CATSPERB: variants seen among roughly 807,000 people sequenced by gnomAD.
CATSPERB encodes the protein cation channel sperm-associated auxiliary subunit beta.
In CATSPERB, 93 loss-of-function variants were observed where a neutral mutation model predicts 128.3. The ratio of observed to expected loss-of-function variants is 0.72; its 90% confidence interval spans 0.61 to 0.86. The LOEUF is 0.86. Ranked by LOEUF, CATSPERB falls within the 40% of genes least tolerant of loss-of-function variation. CATSPERB has a pLI of 0.00. For synonymous variants in CATSPERB, 381 were observed against 448.8 expected, an observed-to-expected ratio of 0.85 and a Z score of 1.91; for missense variants, 1,153 against 1,329.5, an observed-to-expected ratio of 0.87 and a Z score of 2.06.
At chr14:91,634,900 A>AC (rs1894344722) in intron 17 of CATSPERB, among the ~76,000 whole-genome samples, 1 of 150,986 alleles carries the variant, frequency 6.6e-6, no homozygotes, top group African/African-American at 2.4e-5. Context: ...GGCTGCCATA[A>AC]TAAAATACCA....
At chr14:91,710,486 G>C (rs1895819704) in intron 5 of CATSPERB, 1 of 152,126 alleles carries the variant, frequency 6.6e-6, no homozygotes, top group African/African-American at 2.4e-5. Context: ...TTTAAAGGCT[G>C]TTTTAAGTGA....
intron 25 of CATSPERB, among the ~76,000 whole-genome samples, chr14:91,587,727 G>A (rs777653733): frequency 1.1e-4 from 16 of 151,464 alleles, no homozygotes; most frequent in Non-Finnish European, 1.3e-4. Flanking sequence ...TTTCACTTTC[G>A]GAAACACTCT....
chr14:91,717,343 T>C (rs1248584779), intron 5 of CATSPERB, among the ~76,000 whole-genome samples: 1 of 152,176 alleles, frequency 6.6e-6, no homozygotes, highest in East Asian at 1.9e-4. Context: ...AAAGGATGTT[T>C]CATAGAATGC....
chr14:91,719,412 T>C lies in CATSPERB; in HGVS notation c.370+6A>G, dbSNP rs1353073994. 2 of 1,603,920 alleles carry C rather than the reference T, an allele frequency of 1.2e-6. No homozygotes were observed. The highest frequency in any genetic ancestry group is 2.7e-5 in the African/African-American group (2 of 74,666). The stretch of plus-strand genomic sequence containing the variant: ...GGGTAAAAGAATTAATTCAGATCAC[T>C]CTTACCTGTGCTTTGTGTGATGTTT... On this transcript the variant is annotated splice_donor_region_variant and intron_variant, in intron 5 of 26. Coordinates refer to ENST00000256343, the MANE Select transcript of CATSPERB (RefSeq NM_024764.4).
chr14:91,698,465 T>C (rs925307801), intron 7 of CATSPERB, among the ~76,000 whole-genome samples: 1 of 152,184 alleles, frequency 6.6e-6, no homozygotes, highest in Non-Finnish European at 1.5e-5. Flanking sequence ...ATCCTTGTCT[T>C]GTTCTGGTTC....
Position 91,715,720 on chromosome 14 carries a change from G to C in CATSPERB, c.370+3698C>G, listed in dbSNP as rs563760504. ...GAACTATAATAACCAAAACAATTTTGAAAAAGAAGATCAACATTGAAGGAC... is the reference window on the plus strand; with the variant it reads ...GAACTATAATAACCAAAACAATTTTCAAAAAGAAGATCAACATTGAAGGAC... On this transcript the variant is annotated intron_variant, in intron 5 of 26. Transcript: ENST00000256343. Among the ~76,000 whole-genome samples, 32 of 152,110 alleles carry C rather than the reference G, an allele frequency of 2.1e-4. No homozygotes were observed. The South Asian group carries it at 6.4e-3, about 31-fold the overall frequency.
In CATSPERB at chr14:91,657,038, G is replaced by C. The variant is rs138036072; in HGVS notation, c.1432+2799C>G. On this transcript the variant is annotated intron_variant, in intron 15 of 26. Coordinates refer to ENST00000256343, the MANE Select transcript of CATSPERB (RefSeq NM_024764.4). ...GCAAATATTATCAGAGCTAAGGAAA[G>C]AGATAGATCCCAATACAATAACTGT... Among the ~76,000 whole-genome samples the C allele has an allele frequency of 8.9e-3, 1,358 of 152,138 alleles. 16 individuals carry two copies. The highest frequency in any genetic ancestry group is 0.044 in the Middle Eastern group (13 of 294).
chr14:91,666,408 A>T (rs1464532604), intron 14 of CATSPERB, among the ~76,000 whole-genome samples: 2 of 152,222 alleles, frequency 1.3e-5, no homozygotes, highest in East Asian at 3.9e-4. Flanking sequence ...AATGGGAACC[A>T]GAGGCAGAAA....
intron 18 of CATSPERB, 136 bp downstream of exon 18, chr14:91,624,684 G>T (rs1054783876): frequency 1.8e-5 from 10 of 548,606 alleles, no homozygotes; most frequent in East Asian, 3.5e-5. Context: ...CCAAATATAT[G>T]TAAACTTTGG....
In CATSPERB at chr14:91,596,751, C is replaced by T. The variant is rs933795556; in HGVS notation, c.2710-4749G>A. 2.0e-5 allele frequency among the ~76,000 whole-genome samples: 3 copies of T among 151,962 alleles called. No homozygotes were observed. The East Asian group carries it at 5.8e-4, about 29-fold the overall frequency. On this transcript the variant is annotated intron_variant, in intron 22 of 26. Coordinates refer to ENST00000256343, the MANE Select transcript of CATSPERB (RefSeq NM_024764.4). ...AGTTAGCTATGTATACAAATATAGC[C>T]CAAAGAAAACCAAACACCATTTCAT...
chr14:91,641,010 G>GT (rs1272814878), intron 15 of CATSPERB, among the ~76,000 whole-genome samples: 3 of 143,198 alleles, frequency 2.1e-5, no homozygotes, highest in African/African-American at 7.7e-5. Context: ...TTTTTCATGT[G>GT]TTTTTTGGCT....
chr14:91,613,018 A>AT (rs942862340), intron 20 of CATSPERB, among the ~76,000 whole-genome samples: 2 of 151,632 alleles, frequency 1.3e-5, no homozygotes, highest in East Asian at 1.9e-4. Flanking sequence ...ACTGACTATA[A>AT]TTTTTTTTTA....
chr14:91,603,056 T>C, intron 22 of CATSPERB: 1 of 783,304 alleles, frequency 1.3e-6, no homozygotes, highest in South Asian at 1.3e-5. Flanking sequence ...GTCTTTTGCC[T>C]TTTTGGGTTT....
At chr14:91,590,516 G>A (rs1326505065) in intron 23 of CATSPERB, among the ~76,000 whole-genome samples, 1 of 152,046 alleles carries the variant, frequency 6.6e-6, no homozygotes, top group African/African-American at 2.4e-5. Context: ...GGGCGACAGA[G>A]CGAGACTTGG....
intron 15 of CATSPERB, among the ~76,000 whole-genome samples, chr14:91,640,887 C>T (rs1171706136): frequency 1.3e-5 from 2 of 151,616 alleles, no homozygotes; most frequent in Non-Finnish European, 2.9e-5. Flanking sequence ...CCTATTTCTC[C>T]ACATCCTCTC....
intron 15 of CATSPERB, among the ~76,000 whole-genome samples, chr14:91,655,782 G>A (rs944733360): frequency 6.6e-6 from 1 of 152,084 alleles, no homozygotes; most frequent in Non-Finnish European, 1.5e-5. Context: ...TTTATTCAAA[G>A]GAGTAATAAC....
At chr14:91,710,482 G>A (rs1403822219) in intron 5 of CATSPERB, 1 of 152,124 alleles carries the variant, frequency 6.6e-6, no homozygotes, top group East Asian at 1.9e-4. Flanking sequence ...CTTATTTAAA[G>A]GCTGTTTTAA....
intron 22 of CATSPERB, among the ~76,000 whole-genome samples, chr14:91,593,119 T>C (rs1269643795): frequency 6.6e-6 from 1 of 152,236 alleles, no homozygotes; most frequent in Non-Finnish European, 1.5e-5. Flanking sequence ...TGCCTAGATT[T>C]CAGATGTATG....
intron 24 of CATSPERB, among the ~76,000 whole-genome samples, chr14:91,589,238 TGCA>T (rs886612219): frequency 4.6e-5 from 7 of 152,240 alleles, no homozygotes; most frequent in African/African-American, 1.7e-4. Flanking sequence ...CAGACCACCA[TGCA>T]GCACAAATTC....
Sources: allele counts gnomAD v4.1 joint callset (sites outside exome capture counted in the v4.1 genomes callset), GRCh38; gene constraint gnomAD v4.1.1; transcripts MANE v1.5; gene names NCBI Gene and HGNC (gene_info 2026-07-23, HGNC 2026-07-21).